Variants in DLGAP4 observed in about 807,000 individuals in gnomAD.
The protein encoded by DLGAP4 is DLG associated protein 4.
DLGAP4 carries 18 observed loss-of-function variants against 86.9 expected under a neutral mutation model. The observed-to-expected ratio is 0.21, with a 90% CI of 0.14 to 0.31. DLGAP4 has a LOEUF of 0.31. DLGAP4 is among the 10% of genes least tolerant of loss of function. The pLI, the probability that DLGAP4 is intolerant of heterozygous loss-of-function variation, is 1.00. For synonymous variants in DLGAP4, 548 were observed against 574.3 expected (o/e 0.95, Z 0.65); for missense variants, 1,085 against 1,362.6 (o/e 0.80, Z 3.21).
At chr20:36,418,016 C>T (rs1363634248) in intron 2 of DLGAP4, among the ~76,000 whole-genome samples, 2 of 151,416 alleles carry the variant, frequency 1.3e-5, no homozygotes, top group African/African-American at 2.4e-5. Flanking sequence ...AACTCCTGAC[C>T]TTAGGTGATC....
At position 36,528,260 on chromosome 20, in the gene DLGAP4, C is replaced by T; in HGVS notation, c.*1229C>T. 1 of 152,744 alleles carries T rather than the reference C, an allele frequency of 6.5e-6. No homozygotes were observed. The highest frequency in any genetic ancestry group is 1.5e-5 in the Non-Finnish European group (1 of 68,134). 9.5% of individuals were successfully genotyped at this position (152,744 alleles called of 1,614,324 possible). A position where few individuals can be genotyped will look rare whatever the true frequency, so the allele number is the denominator to read the frequency against. ...CAATTATCCTTCTCTCTCTCCTGCC[C>T]CCGCATCCCACTCCCAGGGTGTCAC... On this transcript the variant is annotated 3_prime_UTR_variant, in exon 13 of 13. Coordinates refer to ENST00000339266, the MANE Select transcript of DLGAP4 (RefSeq NM_001365621.2).
chr20:36,502,064 TTTAAAA>T (rs2036167785), intron 10 of DLGAP4, among the ~76,000 whole-genome samples: 1 of 152,218 alleles, frequency 6.6e-6, no homozygotes, highest in African/African-American at 2.4e-5. Flanking sequence ...ATATTTCCTC[TTTAAAA>T]TTAATCATCA....
At chr20:36,380,383 TGG>T (rs1174018473) in intron 2 of DLGAP4, among the ~76,000 whole-genome samples, 2 of 151,904 alleles carry the variant, frequency 1.3e-5, no homozygotes, top group Non-Finnish European at 2.9e-5. Context: ...GCATCCAGCC[TGG>T]GTGACAGTGA....
chr20:36,462,741 AGG>A, intron 7 of DLGAP4: 1 of 1,194,264 alleles, frequency 8.4e-7, no homozygotes, highest in Non-Finnish European at 1.1e-6. Context: ...GAAAGGAGGG[AGG>A]GGCCAGGCTG....
chr20:36,432,444 A>C lies in DLGAP4; in HGVS notation c.727A>C (p.Met243Leu), dbSNP rs1417300010. 1 of 1,613,710 alleles carries C rather than the reference A, an allele frequency of 6.2e-7. No homozygotes were observed. Among genetic ancestry groups the C allele is most frequent in the African/African-American group, 1.3e-5 (1 of 74,926 alleles). The change falls in exon 3 of 13, where the codon ATG (methionine) becomes CTG (leucine). Residue 243 changes from methionine (M) to leucine (L), a missense_variant. By Grantham distance (15) the Met-to-Leu change is conservative. Transcript: ENST00000339266. The surrounding 1 kb of genome is among the most constrained non-coding windows in gnomAD (Gnocchi z 6.5). ...AGAACGCAGCCAGCCACGCTACTTC[A>C]TGCACGCCTACAACACCATCAGTGG... ...QAERSQPRYF[M>L]HAYNTISGHM...
At chr20:36,355,840 C>T (rs1292260608) in intron 1 of DLGAP4, among the ~76,000 whole-genome samples, 3 of 152,208 alleles carry the variant, frequency 2.0e-5, no homozygotes, top group African/African-American at 7.2e-5. Context: ...TTTTCCATCC[C>T]ACCAGACCTT....
chr20:36,345,649 G>A (rs2029913946), intron 1 of DLGAP4, among the ~76,000 whole-genome samples: 1 of 152,186 alleles, frequency 6.6e-6, no homozygotes, highest in Non-Finnish European at 1.5e-5. Context: ...ATAGTCACCT[G>A]TTAGTGGGTG....
At chr20:36,408,215 C>T (rs1258064033) in intron 2 of DLGAP4, among the ~76,000 whole-genome samples, 4 of 151,662 alleles carry the variant, frequency 2.6e-5, no homozygotes, top group African/African-American at 9.7e-5. Context: ...AGATAATCCC[C>T]GGAAACTATG....
chr20:36,442,696 T>C, intron 5 of DLGAP4, 31 bp from the exon 6 acceptor site: 1 of 1,607,638 alleles, frequency 6.2e-7, no homozygotes, highest in South Asian at 1.1e-5. Context: ...GCCCTGGTCC[T>C]TCCATAACCC....
At chr20:36,323,243 T>TAGA (rs1476882857) in intron 1 of DLGAP4, among the ~76,000 whole-genome samples, 4 of 150,188 alleles carry the variant, frequency 2.7e-5, no homozygotes, top group Non-Finnish European at 5.9e-5. Flanking sequence ...GGCTCTGTCT[T>TAGA]GCCTTTTCCA....
At chr20:36,525,254 A>AAAAAAC in intron 11 of DLGAP4, among the ~76,000 whole-genome samples, 1 of 62,550 alleles carries the variant, frequency 1.6e-5, no homozygotes, top group African/African-American at 3.7e-5. Context: ...AAAAAAAAAA[A>AAAAAAC]CAAAGAAATC....
chr20:36,436,577 G>T (rs2033287786), intron 4 of DLGAP4, among the ~76,000 whole-genome samples: 2 of 152,200 alleles, frequency 1.3e-5, no homozygotes, highest in African/African-American at 4.8e-5. Context: ...AGCACTTTGG[G>T]AGGTCGAGGC....
chr20:36,435,197 A>G (rs2033238754), intron 3 of DLGAP4, among the ~76,000 whole-genome samples: 1 of 152,008 alleles, frequency 6.6e-6, no homozygotes, highest in African/African-American at 2.4e-5. Flanking sequence ...ATTTTGAGAT[A>G]TGTGTACAGG....
chr20:36,419,230 C>A (rs1183548776), intron 2 of DLGAP4, among the ~76,000 whole-genome samples: 1 of 151,972 alleles, frequency 6.6e-6, no homozygotes, highest in Non-Finnish European at 1.5e-5. Context: ...TCAAGCAATC[C>A]TCTCATCTCA....
intron 7 of DLGAP4, among the ~76,000 whole-genome samples, chr20:36,489,445 C>T (rs2035562462): frequency 6.6e-6 from 1 of 152,194 alleles, no homozygotes; most frequent in South Asian, 2.1e-4. Flanking sequence ...TTGTCTTCAT[C>T]AGCCTGACAC....
chr20:36,430,181 G>T (rs1278629147), intron 2 of DLGAP4, among the ~76,000 whole-genome samples: 2 of 152,230 alleles, frequency 1.3e-5, no homozygotes, highest in Admixed American at 6.5e-5. Flanking sequence ...TACAACAGGG[G>T]AAACTGAGGC....
At chr20:36,340,738 C>T (rs1338778203) in intron 1 of DLGAP4, among the ~76,000 whole-genome samples, 1 of 152,228 alleles carries the variant, frequency 6.6e-6, no homozygotes, top group African/African-American at 2.4e-5. Flanking sequence ...TCTGGCATCC[C>T]TCCGGAGACC....
chr20:36,497,548 A>G (rs751493352), intron 8 of DLGAP4: 7 of 989,856 alleles, frequency 7.1e-6, no homozygotes, highest in Non-Finnish European at 8.4e-6. Context: ...CCCTTGAGCC[A>G]TGGGGGTTGC....
rs182722571 is a variant in DLGAP4, at chr20:36,331,649, C to A, written c.-304+25137C>A. ...GGAAGCTTTGGCCTCTTTTCACTTA[C>A]CCACTCACAGGTGTTTAACAGATGT... On this transcript the variant is annotated intron_variant, in intron 1 of 12. Coordinates refer to ENST00000339266, the MANE Select transcript of DLGAP4 (RefSeq NM_001365621.2). Among the ~76,000 whole-genome samples, 45 of 152,330 alleles carry A rather than the reference C, an allele frequency of 3.0e-4. 1 individual carries two copies. The highest frequency in any genetic ancestry group is 2.2e-4 in the Non-Finnish European group (15 of 68,028).
Sources: gnomAD v4.1 joint callset for allele counts (sites outside exome capture counted in the v4.1 genomes callset) on GRCh38, gnomAD v4.1.1 for gene constraint, Gnocchi (gnomAD v3.1) non-coding constraint, MANE v1.5 for transcripts, NCBI Gene and HGNC (gene_info 2026-07-23, HGNC 2026-07-21) for gene names.